EPS15: variants seen among roughly 807,000 people sequenced by gnomAD.
EPS15 encodes epidermal growth factor receptor substrate 15.
A neutral mutation model predicts 113.8 loss-of-function variants in EPS15; 72 were observed. The observed-to-expected ratio is 0.63, with a 90% CI of 0.52 to 0.77. The LOEUF is 0.77. EPS15 is among the 30% of genes least tolerant of loss of function. EPS15 has a pLI of 0.00. For missense variants in EPS15, 1,048 were observed against 1,045.8 expected, an observed-to-expected ratio of 1.00 and a Z score of -0.03; for synonymous variants, 344 against 363.4, an observed-to-expected ratio of 0.95 and a Z score of 0.61.
At chr1:51,482,653 A>T (rs1644042409) in intron 1 of EPS15, among the ~76,000 whole-genome samples, 1 of 151,996 alleles carries the variant, frequency 6.6e-6, no homozygotes, top group African/African-American at 2.4e-5. Context: ...TTTAGTAGAG[A>T]TGGGGTTTCG....
In EPS15 at chr1:51,440,335, TG is replaced by T; in HGVS notation, c.1040+11del. The T allele has an allele frequency of 7.8e-7, 1 of 1,289,666 alleles. No individual in the cohort carries two copies. Among genetic ancestry groups the T allele is most frequent in the Non-Finnish European group, 1.1e-6 (1 of 902,510 alleles). The allele number at this position is 1,289,666 out of a possible 1,614,324, so 79.9% of individuals were successfully genotyped here. On this transcript the variant is annotated intron_variant, in intron 12 of 24. Coordinates refer to ENST00000371733, the MANE Select transcript of EPS15 (RefSeq NM_001981.3). ...TGTGTATGTGAGTAGGCTGTAATTT[TG>T]CTTTACATACCTCTGTAGGTCAACT...
chr1:51,512,982 C>T (rs1392410546), intron 1 of EPS15, among the ~76,000 whole-genome samples: 1 of 151,620 alleles, frequency 6.6e-6, no homozygotes, highest in Non-Finnish European at 1.5e-5. Context: ...GCACACACCA[C>T]CATGCCCAGC....
intron 8 of EPS15, among the ~76,000 whole-genome samples, chr1:51,449,353 C>A (rs1024274149): frequency 1.3e-5 from 2 of 152,026 alleles, no homozygotes; most frequent in African/African-American, 4.8e-5. Context: ...AAAACAAATA[C>A]CATATGTTCT....
At chr1:51,454,788 C>T (rs906135251) in intron 8 of EPS15, among the ~76,000 whole-genome samples, 3 of 152,128 alleles carry the variant, frequency 2.0e-5, no homozygotes, top group Admixed American at 6.5e-5. Context: ...GTTAATAATG[C>T]ACCAATGTTG....
chr1:51,444,807 T>G, intron 11 of EPS15, 82 bp downstream of exon 11: 1 of 1,326,838 alleles, frequency 7.5e-7, no homozygotes, highest in Non-Finnish European at 1.1e-6. Flanking sequence ...CTCTTCTATT[T>G]CATCCAAATT....
chr1:51,431,344 G>GA (rs1441432006), intron 12 of EPS15, among the ~76,000 whole-genome samples: 6 of 151,920 alleles, frequency 3.9e-5, no homozygotes, highest in Admixed American at 3.9e-4. Context: ...AGTAGAATCA[G>GA]AAAAAATACA....
At chr1:51,392,872 T>C (rs182278034) in intron 21 of EPS15, among the ~76,000 whole-genome samples, 8 of 152,364 alleles carry the variant, frequency 5.3e-5, no homozygotes, top group Non-Finnish European at 5.9e-5. Flanking sequence ...GTATTAACCT[T>C]TCATTTTATT....
intron 12 of EPS15, among the ~76,000 whole-genome samples, chr1:51,433,487 A>G (rs932252849): frequency 2.0e-5 from 3 of 152,254 alleles, no homozygotes; most frequent in Non-Finnish European, 2.9e-5. Context: ...ATACTACACT[A>G]TATTGCCTCA....
intron 1 of EPS15, among the ~76,000 whole-genome samples, chr1:51,490,936 T>C (rs1035907225): frequency 3.3e-5 from 5 of 152,332 alleles, no homozygotes; most frequent in African/African-American, 9.6e-5. Context: ...TTATGTAAGA[T>C]GTTACAATTA....
intron 12 of EPS15, among the ~76,000 whole-genome samples, chr1:51,429,924 T>C (rs1651567471): frequency 6.6e-6 from 1 of 152,156 alleles, no homozygotes; most frequent in African/African-American, 2.4e-5. Context: ...GTGCTGGGAT[T>C]ACAGGTGTGA....
At chr1:51,502,129 G>A (rs1451346954) in intron 1 of EPS15, among the ~76,000 whole-genome samples, 1 of 152,148 alleles carries the variant, frequency 6.6e-6, no homozygotes, top group Non-Finnish European at 1.5e-5. Flanking sequence ...TTAGCCAGAT[G>A]TGGTGGTGCA....
At chr1:51,386,513 C>A (rs1380265236) in intron 21 of EPS15, among the ~76,000 whole-genome samples, 1 of 152,168 alleles carries the variant, frequency 6.6e-6, no homozygotes, top group African/African-American at 2.4e-5. Flanking sequence ...CCCAGGCAAA[C>A]AGGGTCTGGA....
chr1:51,388,909 T>C (rs902948333), intron 21 of EPS15, among the ~76,000 whole-genome samples: 2 of 151,864 alleles, frequency 1.3e-5, no homozygotes, highest in Admixed American at 6.6e-5. Context: ...ACTGGTACCA[T>C]TCCTTCTGAA....
At position 51,481,302 on chromosome 1, in the gene EPS15, TC is replaced by T; in HGVS notation, c.45del (p.Asn16IlefsTer28). The T allele has an allele frequency of 7.5e-7, 1 of 1,341,056 alleles. No individual in the cohort carries two copies. The allele number at this position is 1,341,056 out of a possible 1,614,324, so 83.1% of individuals were successfully genotyped here. A position where few individuals can be genotyped will look rare whatever the true frequency, so the allele number is the denominator to read the frequency against. On this transcript the variant is annotated frameshift_variant, in exon 2 of 25. Coordinates refer to ENST00000371733, the MANE Select transcript of EPS15 (RefSeq NM_001981.3). LOFTEE classifies it high-confidence loss of function. ...CTATAGTATTTTTCATATACAGGAT[TC>T]CCACTTGATAACTGAAATAAACACA... ...AQLSLTQLSSGNPVYEKYYRQ... is the reference protein window; with the variant it reads ...AQLSLTQLSSXNPVYEKYYRQ...
chr1:51,365,804 AT>A, intron 22 of EPS15, 148 bp downstream of exon 22: 1 of 546,986 alleles, frequency 1.8e-6, no homozygotes, highest in South Asian at 2.8e-5. Context: ...ACTATATGTT[AT>A]CTTTCATTTC....
intron 5 of EPS15, among the ~76,000 whole-genome samples, 165 bp downstream of exon 5, chr1:51,468,308 G>T (rs1654996820): frequency 6.6e-6 from 1 of 152,014 alleles, no homozygotes. Context: ...GGATACACAA[G>T]AAATTAACTA....
intron 24 of EPS15, among the ~76,000 whole-genome samples, chr1:51,360,480 T>A (rs945596893): frequency 2.0e-5 from 3 of 152,226 alleles, no homozygotes; most frequent in African/African-American, 4.8e-5. Flanking sequence ...TATGCTGTTA[T>A]CATGGCACCC....
chr1:51,412,845 T>A (rs1055619459), intron 13 of EPS15, among the ~76,000 whole-genome samples: 2 of 152,230 alleles, frequency 1.3e-5, no homozygotes, highest in African/African-American at 4.8e-5. Context: ...TTATTTTAGC[T>A]TTCATCGTTC....
intron 13 of EPS15, among the ~76,000 whole-genome samples, chr1:51,419,683 C>T (rs372082213): frequency 6.6e-6 from 1 of 151,996 alleles, no homozygotes; most frequent in African/African-American, 2.4e-5. Flanking sequence ...CAGTGAGTTG[C>T]CTTTTGCCAG....
Sources: gnomAD v4.1 joint callset for allele counts (sites outside exome capture counted in the v4.1 genomes callset) on GRCh38, gnomAD v4.1.1 for gene constraint, MANE v1.5 for transcripts, NCBI Gene and HGNC (gene_info 2026-07-23, HGNC 2026-07-21) for gene names.